CNNM1: variants seen among roughly 807,000 people sequenced by gnomAD.
CNNM1 encodes metal transporter CNNM1.
CNNM1 carries 44 observed loss-of-function variants against 78.8 expected under a neutral mutation model. The observed-to-expected ratio is 0.56, with a 90% CI of 0.44 to 0.72. The LOEUF is 0.72. CNNM1 is among the 30% of genes least tolerant of loss of function. The probability of loss-of-function intolerance (pLI) is 0.00; values close to 1 mark genes in which losing one functional copy is unlikely to be tolerated. For synonymous variants in CNNM1, 584 were observed against 581.5 expected (o/e 1.00, Z -0.06); for missense variants, 1,101 against 1,292.2 (o/e 0.85, Z 2.27).
intron 6 of CNNM1, among the ~76,000 whole-genome samples, chr10:99,372,744 A>C (rs1026233493): frequency 6.6e-6 from 1 of 152,184 alleles, no homozygotes; most frequent in African/African-American, 2.4e-5. Context: ...CCAAGTCATC[A>C]GCATCCAACC....
rs1284611666 is a variant in CNNM1, at chr10:99,371,502, C to T, written c.2177-5553C>T. Among the ~76,000 whole-genome samples, 5 of 152,246 alleles carry T rather than the reference C, an allele frequency of 3.3e-5. No individual in the cohort carries two copies. The South Asian group carries it at 8.3e-4, about 25-fold the overall frequency. On this transcript the variant is annotated intron_variant, in intron 6 of 10. Coordinates refer to ENST00000356713, the MANE Select transcript of CNNM1 (RefSeq NM_020348.3). ...ACAGAGACAGAGACTTTGGAACCAACGGTTCTTTTTCAGTGCTCGGTTATC... is the reference window on the plus strand; with the variant it reads ...ACAGAGACAGAGACTTTGGAACCAATGGTTCTTTTTCAGTGCTCGGTTATC...
rs138588254 is a variant in CNNM1 at position 99,344,895 on chromosome 10, C to T, written c.1574-12617C>T. On this transcript the variant is annotated intron_variant, in intron 1 of 10. Transcript: ENST00000356713. ...AGCCGTTCTCCTCCCTTGCTAATCA[C>T]TAGGGAGGTGCCGGGCATTAGCTCA... Among the ~76,000 whole-genome samples, 1,176 of 152,314 alleles carry T rather than the reference C, an allele frequency of 7.7e-3. 5 individuals carry two copies. Among genetic ancestry groups the T allele is most frequent in the Non-Finnish European group, 0.011 (765 of 68,020 alleles).
chr10:99,349,703 T>C (rs1186992512), intron 1 of CNNM1, among the ~76,000 whole-genome samples: 1 of 152,146 alleles, frequency 6.6e-6, no homozygotes, highest in Non-Finnish European at 1.5e-5. Flanking sequence ...GGAGAGCTCA[T>C]TAAAACAGCT....
intron 1 of CNNM1, among the ~76,000 whole-genome samples, chr10:99,357,233 T>G (rs1357424786): frequency 6.6e-6 from 1 of 152,210 alleles, no homozygotes; most frequent in Non-Finnish European, 1.5e-5. Context: ...AGCTAACATA[T>G]ACTTGCTAAT....
At chr10:99,367,650 A>T (rs1195070811) in intron 6 of CNNM1, among the ~76,000 whole-genome samples, 1 of 152,204 alleles carries the variant, frequency 6.6e-6, no homozygotes, top group South Asian at 2.1e-4. Context: ...AATATTCATT[A>T]ACATCTCATG....
intron 6 of CNNM1, among the ~76,000 whole-genome samples, chr10:99,375,211 T>A (rs975730354): frequency 2.6e-5 from 4 of 152,146 alleles, no homozygotes; most frequent in Non-Finnish European, 5.9e-5. Flanking sequence ...AGCAAGGAAT[T>A]TGGATTTTAT....
chr10:99,378,932 C>T (rs1487812615), intron 7 of CNNM1, among the ~76,000 whole-genome samples: 1 of 152,222 alleles, frequency 6.6e-6, no homozygotes, highest in African/African-American at 2.4e-5. Context: ...CTCATGGGTG[C>T]ATATGACTGC....
At chr10:99,360,024 A>G (rs371641515) in intron 2 of CNNM1, among the ~76,000 whole-genome samples, 201 of 86,666 alleles carry the variant, frequency 2.3e-3, no homozygotes, top group Middle Eastern at 0.011. Flanking sequence ...GGAAAAAGCA[A>G]ATGTTTTCAA....
At chr10:99,362,430 A>G (rs2134051074) in intron 4 of CNNM1, 34 bp downstream of exon 4, 1 of 1,593,062 alleles carries the variant, frequency 6.3e-7, no homozygotes, top group Non-Finnish European at 8.5e-7. Context: ...TCTGAGAGCC[A>G]GAGGAGGGCA....
At chr10:99,338,295 ATT>A (rs34673859) in intron 1 of CNNM1, among the ~76,000 whole-genome samples, 42,883 of 138,526 alleles carry the variant, frequency 0.31, 7,741 homozygotes, top group African/African-American at 0.55. Context: ...ACTAGGTGGC[ATT>A]TTTTTTTTTT....
intron 4 of CNNM1, 52 bp downstream of exon 4, chr10:99,362,448 G>A (rs1171479722): frequency 1.3e-6 from 2 of 1,558,858 alleles, no homozygotes; most frequent in African/African-American, 1.4e-5. Context: ...GCATCTCCAG[G>A]GTGAAGAAAT....
chr10:99,337,690 A>G (rs939426516), intron 1 of CNNM1, among the ~76,000 whole-genome samples: 2 of 152,228 alleles, frequency 1.3e-5, no homozygotes, highest in African/African-American at 4.8e-5. Context: ...TCCCACCCAT[A>G]TAATGAGCAT....
chr10:99,376,983 G>C, intron 6 of CNNM1, 72 bp from the exon 7 acceptor site: 1 of 1,310,158 alleles, frequency 7.6e-7, no homozygotes, highest in Non-Finnish European at 1.1e-6. Flanking sequence ...CTCCTTCCCT[G>C]TCTCCCTCCC....
Position 99,331,005 on chromosome 10 carries a change from A to G in CNNM1, c.1573+45A>G, listed in dbSNP as rs140519522. 490 of 1,550,572 alleles carry G rather than the reference A, an allele frequency of 3.2e-4. 3 individuals carry two copies. The East Asian group carries it at 9.7e-3, about 31-fold the overall frequency. Reference sequence around the variant, plus strand: ...CTCCCCCAACTCCTATCCCCTTCAAAGGTATTATCCTTTCCTAACCACGTG... The same window carrying G: ...CTCCCCCAACTCCTATCCCCTTCAAGGGTATTATCCTTTCCTAACCACGTG... On this transcript the variant is annotated intron_variant, in intron 1 of 10. Coordinates refer to ENST00000356713, the MANE Select transcript of CNNM1 (RefSeq NM_020348.3).
chr10:99,362,993 GT>G (rs2031492207), intron 4 of CNNM1, among the ~76,000 whole-genome samples: 1 of 152,182 alleles, frequency 6.6e-6, no homozygotes, highest in Non-Finnish European at 1.5e-5. Context: ...GCTCACATAA[GT>G]ATGATCACCT....
chr10:99,371,827 G>C (rs1425293204), intron 6 of CNNM1, among the ~76,000 whole-genome samples: 1 of 152,026 alleles, frequency 6.6e-6, no homozygotes, highest in Non-Finnish European at 1.5e-5. Flanking sequence ...ATTCTAGTTG[G>C]TACTCTTACA....
intron 10 of CNNM1, among the ~76,000 whole-genome samples, chr10:99,391,001 G>A (rs182113574): frequency 2.0e-4 from 31 of 152,248 alleles, no homozygotes; most frequent in Non-Finnish European, 3.7e-4. Flanking sequence ...TTCAGAGCTA[G>A]AGAACGCAGG....
rs370094088 is a variant in CNNM1 at position 99,377,037 on chromosome 10, A to G, written c.2177-18A>G. 60 of 1,446,200 alleles carry G rather than the reference A, an allele frequency of 4.1e-5. No homozygotes were observed. In the African/African-American group the frequency reaches 7.7e-4, roughly 19 times the overall value. 89.6% of individuals were successfully genotyped at this position (1,446,200 alleles called of 1,614,324 possible). A position where few individuals can be genotyped will look rare whatever the true frequency, so the allele number is the denominator to read the frequency against. ...ACCCATCCCTCCTTGTCTTTTCTCCATCTCTCACCATCTGCAGTAAACCGG... is the reference window on the plus strand; with the variant it reads ...ACCCATCCCTCCTTGTCTTTTCTCCGTCTCTCACCATCTGCAGTAAACCGG... On this transcript the variant is annotated intron_variant, in intron 6 of 10. Coordinates refer to ENST00000356713, the MANE Select transcript of CNNM1 (RefSeq NM_020348.3).
chr10:99,374,743 A>T (rs1369284911), intron 6 of CNNM1, among the ~76,000 whole-genome samples: 1 of 152,134 alleles, frequency 6.6e-6, no homozygotes, highest in South Asian at 2.1e-4. Context: ...TTTATTCTAC[A>T]TGTTTTCCTT....
Sources: allele counts gnomAD v4.1 joint callset (sites outside exome capture counted in the v4.1 genomes callset), GRCh38; gene constraint gnomAD v4.1.1; transcripts MANE v1.5; gene names NCBI Gene and HGNC (gene_info 2026-07-23, HGNC 2026-07-21).